The following GRIK1 variants were observed in gnomAD, a reference collection of about 807,000 sequenced individuals.
The protein encoded by GRIK1 is glutamate receptor ionotropic, kainate 1.
Under a neutral mutation model 105.7 loss-of-function variants are expected in GRIK1, and 69 were observed. That is an observed-to-expected ratio of 0.65 (90% CI 0.54 to 0.80). GRIK1 has a LOEUF of 0.80. Among genes scored for constraint, GRIK1 ranks in the 30% least tolerant of loss-of-function variants. The probability of loss-of-function intolerance (pLI) is 0.00; values close to 1 mark genes in which losing one functional copy is unlikely to be tolerated. For missense variants in GRIK1, 1,109 were observed against 1,167.3 expected (o/e 0.95, Z 0.73); for synonymous variants, 438 against 431.3 (o/e 1.02, Z -0.19).
chr21:29,625,341 G>T (rs1369064276), intron 7 of GRIK1, among the ~76,000 whole-genome samples: 6 of 152,182 alleles, frequency 3.9e-5, no homozygotes, highest in Non-Finnish European at 8.8e-5. Flanking sequence ...GTGATTTGGT[G>T]CACACTTAAT....
chr21:29,840,919 T>C (rs1022972778), intron 1 of GRIK1, among the ~76,000 whole-genome samples: 12 of 151,940 alleles, frequency 7.9e-5, no homozygotes, highest in African/African-American at 2.4e-4. Flanking sequence ...AACATGGAGA[T>C]TTGGCTTGAA....
intron 1 of GRIK1, among the ~76,000 whole-genome samples, chr21:29,802,327 C>T (rs540441049): frequency 1.4e-4 from 22 of 152,084 alleles, no homozygotes; most frequent in South Asian, 1.2e-3. Context: ...AAAATGCCTT[C>T]GGTAAGCCTC....
intron 14 of GRIK1, among the ~76,000 whole-genome samples, chr21:29,568,069 A>G (rs1007152642): frequency 2.6e-5 from 4 of 152,210 alleles, no homozygotes; most frequent in Non-Finnish European, 5.9e-5. Flanking sequence ...ATTTGCTAAA[A>G]TATTTTTCAT....
At chr21:29,735,481 C>G (rs560515785) in intron 1 of GRIK1, among the ~76,000 whole-genome samples, 1 of 152,220 alleles carries the variant, frequency 6.6e-6, no homozygotes, top group East Asian at 1.9e-4. Flanking sequence ...CTCATTGCAC[C>G]CCAAATCTTC....
At chr21:29,809,522 G>A (rs1464308156) in intron 1 of GRIK1, among the ~76,000 whole-genome samples, 1 of 152,180 alleles carries the variant, frequency 6.6e-6, no homozygotes, top group Non-Finnish European at 1.5e-5. Flanking sequence ...ATTAGGCTTT[G>A]GCTTAAGAGG....
chr21:29,882,127 C>CA (rs959209363), intron 1 of GRIK1, among the ~76,000 whole-genome samples: 15 of 151,872 alleles, frequency 9.9e-5, no homozygotes, highest in African/African-American at 3.6e-4. Context: ...ATAATGACAT[C>CA]AAAAAAAGGC....
intron 1 of GRIK1, among the ~76,000 whole-genome samples, chr21:29,868,447 A>G (rs1259653157): frequency 1.3e-5 from 2 of 152,138 alleles, no homozygotes; most frequent in African/African-American, 4.8e-5. Context: ...AAGCGGTATA[A>G]TGTGGATGGA....
chr21:29,896,576 A>G (rs182579042), intron 1 of GRIK1, among the ~76,000 whole-genome samples: 10 of 152,330 alleles, frequency 6.6e-5, no homozygotes, highest in South Asian at 6.2e-4. Flanking sequence ...TTATCACAGT[A>G]TCTGACATAT....
intron 1 of GRIK1, among the ~76,000 whole-genome samples, chr21:29,794,308 C>T (rs547606391): frequency 1.1e-4 from 17 of 152,244 alleles, no homozygotes; most frequent in South Asian, 2.1e-4. Context: ...TGGAGAAAAA[C>T]GTATATTTTT....
intron 7 of GRIK1, among the ~76,000 whole-genome samples, chr21:29,603,306 T>C (rs1568873562): frequency 6.6e-6 from 1 of 151,890 alleles, no homozygotes. Context: ...GCTGTCTCGA[T>C]GGCAAACTAG....
At chr21:29,590,624 G>A (rs1025703848) in intron 10 of GRIK1, among the ~76,000 whole-genome samples, 3 of 152,176 alleles carry the variant, frequency 2.0e-5, no homozygotes, top group African/African-American at 7.2e-5. Context: ...GCAGGAGGGA[G>A]GAAAGAATAC....
At chr21:29,932,587 T>C (rs543688661) in intron 1 of GRIK1, among the ~76,000 whole-genome samples, 4 of 152,144 alleles carry the variant, frequency 2.6e-5, no homozygotes, top group East Asian at 1.9e-4. Context: ...ACAATTAATT[T>C]AATTATTTTA....
At chr21:29,893,522 T>C (rs1369161980) in intron 1 of GRIK1, among the ~76,000 whole-genome samples, 1 of 152,240 alleles carries the variant, frequency 6.6e-6, no homozygotes, top group Non-Finnish European at 1.5e-5. Context: ...GTGGGGTATG[T>C]ATAATCTATA....
At chr21:29,856,217 C>T (rs535424052) in intron 1 of GRIK1, among the ~76,000 whole-genome samples, 1 of 152,064 alleles carries the variant, frequency 6.6e-6, no homozygotes, top group East Asian at 1.9e-4. Context: ...GACCCCAGGC[C>T]CCTGGTCTGG....
intron 1 of GRIK1, among the ~76,000 whole-genome samples, chr21:29,735,152 C>T (rs1005607057): frequency 2.0e-5 from 3 of 152,206 alleles, no homozygotes; most frequent in Admixed American, 1.3e-4. Context: ...AAAGAAAGGA[C>T]TTTGCTTTAT....
rs1448370060 is a variant in GRIK1 at position 29,801,863 on chromosome 21, TTTTTTTTCTTTTC to T, written c.119-107813_119-107801del. ...TTCTTTGACGACTCTACCCACTCTC[TTTTTTTTCTTTTC>T]TTTTTTTCTTTTGTAGAGATAAGCA... On this transcript the variant is annotated intron_variant, in intron 1 of 17. Coordinates refer to ENST00000327783, the MANE Select transcript of GRIK1 (RefSeq NM_001330994.2). 4.6e-5 allele frequency among the ~76,000 whole-genome samples: 7 copies of T among 151,632 alleles called. No homozygotes were observed. The South Asian group carries it at 8.3e-4, about 18-fold the overall frequency.
intron 1 of GRIK1, among the ~76,000 whole-genome samples, chr21:29,725,226 A>G (rs549897918): frequency 2.5e-4 from 38 of 152,304 alleles, no homozygotes; most frequent in African/African-American, 8.9e-4. Flanking sequence ...ATGCCGTGAG[A>G]AATGACCCTT....
intron 1 of GRIK1, among the ~76,000 whole-genome samples, chr21:29,837,911 G>C (rs1159879162): frequency 6.6e-6 from 1 of 152,016 alleles, no homozygotes; most frequent in African/African-American, 2.4e-5. Flanking sequence ...TTATATTTCT[G>C]GGAAAACTAA....
At chr21:29,650,154 C>A (rs183788124) in intron 6 of GRIK1, among the ~76,000 whole-genome samples, 173 of 152,252 alleles carry the variant, frequency 1.1e-3, no homozygotes, top group Non-Finnish European at 1.8e-3. Flanking sequence ...GTTAGGGAGC[C>A]TGAACATAGA....
Sources: gnomAD v4.1 joint callset for allele counts (sites outside exome capture counted in the v4.1 genomes callset) on GRCh38, gnomAD v4.1.1 for gene constraint, MANE v1.5 for transcripts, NCBI Gene and HGNC (gene_info 2026-07-23, HGNC 2026-07-21) for gene names.